SYNJ2: variants seen among roughly 807,000 people sequenced by gnomAD.
The protein encoded by SYNJ2 is polyphosphatidylinositol phosphatase SYNJ2.
Under a neutral mutation model 141.3 loss-of-function variants are expected in SYNJ2, and 116 were observed. That is an observed-to-expected ratio of 0.82 (90% CI 0.71 to 0.96). The LOEUF (loss-of-function observed/expected upper bound fraction) is 0.96. Among genes scored for constraint, SYNJ2 ranks in the 40% least tolerant of loss-of-function variants. The pLI, the probability that SYNJ2 is intolerant of heterozygous loss-of-function variation, is 0.00. For missense variants in SYNJ2, 1,873 were observed against 1,934.8 expected (o/e 0.97, Z 0.60); for synonymous variants, 745 against 777.7 (o/e 0.96, Z 0.70).
Position 158,069,631 on chromosome 6 carries a change from G to A in SYNJ2, c.1898G>A (p.Cys633Tyr), listed in dbSNP as rs201303563. 3 of 1,613,900 alleles carry A rather than the reference G, an allele frequency of 1.9e-6. No individual in the cohort carries two copies. Among genetic ancestry groups the A allele is most frequent in the East Asian group, 2.2e-5 (1 of 44,884 alleles). Residue 633 changes from cysteine to tyrosine, a missense_variant, in exon 14 of 27, where the codon TGT (cysteine) becomes TAT (tyrosine). Coordinates refer to ENST00000355585, the MANE Select transcript of SYNJ2 (RefSeq NM_003898.4). Reference sequence around the variant, plus strand: ...ACTTCGGCACAGCTGGTGGGCGTCTGTCTTTATATCTTTGTACGTCCATAC... The same window carrying A: ...ACTTCGGCACAGCTGGTGGGCGTCTATCTTTATATCTTTGTACGTCCATAC... ...LLTSAQLVGVCLYIFVRPYHV... is the reference protein window; with the variant it reads ...LLTSAQLVGVYLYIFVRPYHV...
intron 1 of SYNJ2, among the ~76,000 whole-genome samples, chr6:157,996,266 T>C (rs1273222451): frequency 6.6e-6 from 1 of 151,980 alleles, no homozygotes; most frequent in African/African-American, 2.4e-5. Context: ...CAGCCAGTAG[T>C]GAATCCCACC....
In SYNJ2 at chr6:158,040,919, C is replaced by T. The variant is rs1460539104; in HGVS notation, c.712-2397C>T. Among the ~76,000 whole-genome samples the T allele has an allele frequency of 1.3e-5, 2 of 152,210 alleles. No individual in the cohort carries two copies. The highest frequency in any genetic ancestry group is 4.8e-5 in the African/African-American group (2 of 41,458). Reference sequence around the variant, plus strand: ...CTGCTCTTCCCGGTCTCCCTCCCACCTCTTGTCTGTTCCTTCTTGAATCCC... The same window carrying T: ...CTGCTCTTCCCGGTCTCCCTCCCACTTCTTGTCTGTTCCTTCTTGAATCCC... On this transcript the variant is annotated intron_variant, in intron 4 of 26. Transcript: ENST00000355585. This position sits in a 1 kb window ranked among gnomAD's most constrained non-coding sequence, Gnocchi z 4.2.
chr6:158,073,880 G>A (rs1009790440), intron 15 of SYNJ2, among the ~76,000 whole-genome samples: 10 of 146,620 alleles, frequency 6.8e-5, no homozygotes, highest in Non-Finnish European at 1.0e-4. Context: ...CCTTCAGCAA[G>A]TGCCTTTGTT....
At chr6:158,011,126 G>A (rs116075885) in intron 1 of SYNJ2, among the ~76,000 whole-genome samples, 2,378 of 152,234 alleles carry the variant, frequency 0.016, 49 homozygotes, top group African/African-American at 0.054. Context: ...GGGAGAGGAT[G>A]ACCACATAAC....
intron 23 of SYNJ2, among the ~76,000 whole-genome samples, chr6:158,087,875 C>CTTT (rs749329722): frequency 0.011 from 997 of 94,346 alleles, 28 homozygotes; most frequent in African/African-American, 0.032. Context: ...CAACATACTT[C>CTTT]TTTTTTTTTT....
rs780117278 is a variant in SYNJ2 at position 158,083,412 on chromosome 6, C to T, written c.2866-17C>T. On this transcript the variant is annotated splice_polypyrimidine_tract_variant and intron_variant, in intron 20 of 26. Transcript: ENST00000355585. The stretch of plus-strand genomic sequence containing the variant: ...ATGATTTTTATTTATTCCTGGGTGG[C>T]CGCTCTGCCCTCCCAGGTGAAAGGC... 2 of 1,609,776 alleles carry T rather than the reference C, an allele frequency of 1.2e-6. No individual in the cohort carries two copies. Among genetic ancestry groups the T allele is most frequent in the Admixed American group, 3.3e-5 (2 of 59,816 alleles).
At chr6:158,088,558 G>T in intron 23 of SYNJ2, 102 bp from the exon 24 acceptor site, 1 of 815,382 alleles carries the variant, frequency 1.2e-6, no homozygotes, top group East Asian at 2.4e-5. Flanking sequence ...CCGTGTCTGT[G>T]GTCTGCTGGG....
chr6:158,055,547 A>G (rs1780819942), intron 6 of SYNJ2, among the ~76,000 whole-genome samples: 1 of 150,734 alleles, frequency 6.6e-6, no homozygotes, highest in South Asian at 2.1e-4. Context: ...ATTTAAATAC[A>G]CAAATTGGAT....
chr6:158,025,820 C>T (rs140151521), intron 2 of SYNJ2, among the ~76,000 whole-genome samples: 225 of 152,168 alleles, frequency 1.5e-3, no homozygotes, highest in African/African-American at 5.1e-3. Context: ...GGCGTGGTGA[C>T]GCATGCTTGT....
Position 158,071,605 on chromosome 6 carries a change from C to A in SYNJ2, c.1944C>A (p.Asp648Glu). Residue 648 changes from aspartate (D) to glutamate (E), a missense_variant, in exon 15 of 27, where the codon GAC (aspartate) becomes GAA (glutamate). By Grantham distance (45) the Asp-to-Glu change is conservative. Transcript: ENST00000355585. The surrounding 1 kb of genome is among the most constrained non-coding windows in gnomAD (Gnocchi z 4.3). ...TGCGCGTATCCTTCTGTTCCAGGGACGTAGCCATCGACACAGTGAAGACGG... is the reference window on the plus strand; with the variant it reads ...TGCGCGTATCCTTCTGTTCCAGGGAAGTAGCCATCGACACAGTGAAGACGG... Reference protein sequence around the residue: ...VRPYHVPFIRDVAIDTVKTGM... With the variant: ...VRPYHVPFIREVAIDTVKTGM... The A allele has an allele frequency of 6.2e-7, 1 of 1,613,566 alleles. No homozygotes were observed. The highest frequency in any genetic ancestry group is 8.5e-7 in the Non-Finnish European group (1 of 1,179,838).
chr6:157,997,479 A>G (rs1777676952), intron 1 of SYNJ2, among the ~76,000 whole-genome samples: 1 of 152,160 alleles, frequency 6.6e-6, no homozygotes, highest in Non-Finnish European at 1.5e-5. Flanking sequence ...GGAGGCAGAG[A>G]TGGGAGTGAC....
At chr6:158,083,738 A>ACATG in intron 21 of SYNJ2, 141 bp downstream of exon 21, 1 of 1,155,414 alleles carries the variant, frequency 8.7e-7, no homozygotes, top group Non-Finnish European at 1.2e-6. Flanking sequence ...TGTGATGAGC[A>ACATG]TGTTTGTATG....
chr6:158,068,808 C>T, intron 13 of SYNJ2, 80 bp downstream of exon 13: 1 of 1,484,958 alleles, frequency 6.7e-7, no homozygotes, highest in Non-Finnish European at 9.4e-7. Context: ...CTGAGGCTCT[C>T]CGGGAGCCAG....
At chr6:158,032,724 A>G (rs564999934) in intron 3 of SYNJ2, among the ~76,000 whole-genome samples, 3 of 152,274 alleles carry the variant, frequency 2.0e-5, no homozygotes, top group South Asian at 2.1e-4. Context: ...ACATAGGGTC[A>G]CTTCAAGGGT....
intron 12 of SYNJ2, 77 bp from the exon 13 acceptor site, chr6:158,068,570 G>A: frequency 2.6e-6 from 4 of 1,527,602 alleles, no homozygotes; most frequent in Non-Finnish European, 3.6e-6. Context: ...TCGGGAGAGG[G>A]CACTGGGGAG....
At chr6:158,024,651 C>G (rs962327030) in intron 2 of SYNJ2, among the ~76,000 whole-genome samples, 11 of 152,340 alleles carry the variant, frequency 7.2e-5, no homozygotes, top group African/African-American at 2.6e-4. Flanking sequence ...CCAGAACGCT[C>G]TCTTTTTAAA....
intron 4 of SYNJ2, among the ~76,000 whole-genome samples, chr6:158,037,514 G>C (rs913418401): frequency 2.7e-5 from 4 of 148,406 alleles, no homozygotes; most frequent in Non-Finnish European, 4.4e-5. Flanking sequence ...CCATTCTCCT[G>C]CCTCAGCCTC....
chr6:158,068,532 G>C, intron 12 of SYNJ2, 115 bp from the exon 13 acceptor site: 1 of 1,130,358 alleles, frequency 8.8e-7, no homozygotes, highest in Non-Finnish European at 1.3e-6. Context: ...GCCACCTGGA[G>C]TTGGACTCAG....
intron 1 of SYNJ2, among the ~76,000 whole-genome samples, chr6:158,005,581 G>T (rs1012654481): frequency 2.7e-5 from 4 of 147,692 alleles, no homozygotes; most frequent in African/African-American, 1.0e-4. Context: ...CTCCACGCCT[G>T]CACCAGCCGC....
Sources: gnomAD v4.1 joint callset for allele counts (sites outside exome capture counted in the v4.1 genomes callset) on GRCh38, gnomAD v4.1.1 for gene constraint, Gnocchi (gnomAD v3.1) non-coding constraint, MANE v1.5 for transcripts, NCBI Gene and HGNC (gene_info 2026-07-23, HGNC 2026-07-21) for gene names.